The following RAD51B variants were observed in gnomAD, a reference collection of about 807,000 sequenced individuals.
RAD51B encodes the protein DNA repair protein RAD51 homolog 2.
In RAD51B, 38 loss-of-function variants were observed where a neutral mutation model predicts 42.2. The observed-to-expected ratio is 0.90, with a 90% CI of 0.70 to 1.18. The LOEUF (loss-of-function observed/expected upper bound fraction) is 1.18. Ranked by LOEUF, RAD51B falls within the 50% of genes most tolerant of loss-of-function variation. The pLI, the probability that RAD51B is intolerant of heterozygous loss-of-function variation, is 0.00. For missense variants in RAD51B, 373 were observed against 400.7 expected (o/e 0.93, Z 0.59); for synonymous variants, 154 against 145.2 (o/e 1.06, Z -0.43).
At chr14:68,147,503 A>G (rs2078277006) in intron 7 of RAD51B, among the ~76,000 whole-genome samples, 1 of 152,114 alleles carries the variant, frequency 6.6e-6, no homozygotes, top group African/African-American at 2.4e-5. Flanking sequence ...CTGTTTAATC[A>G]TTCCCTGAGC....
chr14:67,832,594 T>C (rs2041092216), intron 3 of RAD51B, among the ~76,000 whole-genome samples: 1 of 152,206 alleles, frequency 6.6e-6, no homozygotes, highest in Admixed American at 6.5e-5. Context: ...ATTTGCGAAA[T>C]GGAGATAATT....
chr14:68,497,483 A>G, intron 10 of RAD51B: 1 of 1,061,566 alleles, frequency 9.4e-7, no homozygotes, highest in Non-Finnish European at 1.1e-6. Context: ...TGGAACACAT[A>G]GGTTTTTTTT....
At chr14:68,228,816 A>G (rs1014710664) in intron 7 of RAD51B, among the ~76,000 whole-genome samples, 1 of 152,190 alleles carries the variant, frequency 6.6e-6, no homozygotes, top group East Asian at 1.9e-4. Flanking sequence ...CCTCACATGC[A>G]ATTTATCCTT....
intron 8 of RAD51B, among the ~76,000 whole-genome samples, chr14:68,356,143 G>T (rs563122268): frequency 6.9e-6 from 1 of 144,856 alleles, no homozygotes; most frequent in East Asian, 2.2e-4. Flanking sequence ...GCATATAAAA[G>T]TTATGTTGGC....
chr14:68,420,283 T>C (rs2084665848), intron 9 of RAD51B, among the ~76,000 whole-genome samples: 1 of 152,160 alleles, frequency 6.6e-6, no homozygotes, highest in South Asian at 2.1e-4. Flanking sequence ...TTGGACCTCA[T>C]GCAAGAAAGA....
chr14:68,008,857 A>C (rs905132422), intron 7 of RAD51B, among the ~76,000 whole-genome samples: 1 of 150,598 alleles, frequency 6.6e-6, no homozygotes, highest in African/African-American at 2.5e-5. Flanking sequence ...TGTAGTGATA[A>C]CTTTGTTTTT....
intron 10 of RAD51B, among the ~76,000 whole-genome samples, chr14:68,513,250 T>C (rs1227253874): frequency 6.6e-6 from 1 of 152,208 alleles, no homozygotes; most frequent in African/African-American, 2.4e-5. Context: ...TTCAGACACA[T>C]GGCAATGGTA....
chr14:68,504,598 C>T (rs890282776), intron 10 of RAD51B, among the ~76,000 whole-genome samples: 2 of 150,636 alleles, frequency 1.3e-5, no homozygotes, highest in Non-Finnish European at 2.9e-5. Context: ...GATGTGGAAG[C>T]TCAGACAGCT....
chr14:68,235,742 T>C (rs1399237278), intron 7 of RAD51B, among the ~76,000 whole-genome samples: 1 of 140,878 alleles, frequency 7.1e-6, no homozygotes, highest in Admixed American at 7.2e-5. Flanking sequence ...AGAGCTGAGA[T>C]CTTACCTGCG....
At chr14:68,272,635 T>TTTTATATATATA (rs1555384972) in intron 7 of RAD51B, among the ~76,000 whole-genome samples, 1 of 19,850 alleles carries the variant, frequency 5.0e-5, no homozygotes, top group African/African-American at 2.1e-4. Context: ...TATAAACACT[T>TTTTATATATATA]TATATATATA....
intron 7 of RAD51B, among the ~76,000 whole-genome samples, chr14:68,253,535 A>G (rs2080686812): frequency 6.6e-6 from 1 of 152,172 alleles, no homozygotes. Flanking sequence ...TTGTTTGTGG[A>G]ATCATTTATA....
At chr14:68,296,628 T>C (rs1166711800) in intron 8 of RAD51B, among the ~76,000 whole-genome samples, 1 of 152,084 alleles carries the variant, frequency 6.6e-6, no homozygotes, top group African/African-American at 2.4e-5. Flanking sequence ...CTACAGTTGG[T>C]AGGTGAGATT....
chr14:68,097,115 T>G (rs2077209431), intron 7 of RAD51B, among the ~76,000 whole-genome samples: 1 of 152,212 alleles, frequency 6.6e-6, no homozygotes, highest in Non-Finnish European at 1.5e-5. Context: ...GATTTCTCTC[T>G]TGATGAATGC....
intron 7 of RAD51B, among the ~76,000 whole-genome samples, chr14:68,265,726 C>T (rs575963633): frequency 6.6e-6 from 1 of 152,192 alleles, no homozygotes; most frequent in African/African-American, 2.4e-5. Flanking sequence ...TGCACTCCTG[C>T]CTGGGCAACA....
intron 11 of RAD51B, among the ~76,000 whole-genome samples, chr14:68,657,340 C>A (rs78605057): frequency 6.6e-6 from 1 of 152,240 alleles, no homozygotes; most frequent in Admixed American, 6.5e-5. Context: ...TCAGTTTCCC[C>A]GTCATTTAAC....
chr14:68,552,249 G>A (rs1025990904), intron 10 of RAD51B, among the ~76,000 whole-genome samples: 4 of 152,140 alleles, frequency 2.6e-5, no homozygotes, highest in African/African-American at 9.7e-5. Context: ...TGCGTCTTCC[G>A]CACTGTACTG....
chr14:68,124,385 G>A (rs1202325666), intron 7 of RAD51B, among the ~76,000 whole-genome samples: 1 of 152,124 alleles, frequency 6.6e-6, no homozygotes, highest in Non-Finnish European at 1.5e-5. Flanking sequence ...GAAGACTTTG[G>A]GTGATTTCTA....
At chr14:68,237,095 C>G (rs535476896) in intron 7 of RAD51B, among the ~76,000 whole-genome samples, 1 of 152,154 alleles carries the variant, frequency 6.6e-6, no homozygotes, top group African/African-American at 2.4e-5. Flanking sequence ...AAATCTCTGT[C>G]CTGGGAAATT....
At chr14:68,626,300 C>A (rs1337622009) in intron 10 of RAD51B, among the ~76,000 whole-genome samples, 2 of 152,224 alleles carry the variant, frequency 1.3e-5, no homozygotes, top group Non-Finnish European at 2.9e-5. Flanking sequence ...TAAAGCCTTT[C>A]AAAGTAGCTG....
Sources: allele counts gnomAD v4.1 joint callset (sites outside exome capture counted in the v4.1 genomes callset), GRCh38; gene constraint gnomAD v4.1.1; transcripts MANE v1.5; gene names NCBI Gene and HGNC (gene_info 2026-07-23, HGNC 2026-07-21).